RNF38: variants seen among roughly 807,000 people sequenced by gnomAD.
RNF38 encodes the protein ring finger protein 38.
In RNF38, 15 loss-of-function variants were observed where a neutral mutation model predicts 67.2. That is an observed-to-expected ratio of 0.22 (90% CI 0.15 to 0.34). RNF38 has a LOEUF of 0.34. RNF38 is among the 10% of genes least tolerant of loss of function. The pLI is 1.00. For missense variants in RNF38, 524 were observed against 639.9 expected, an observed-to-expected ratio of 0.82 and a Z score of 1.95; for synonymous variants, 220 against 218.8, an observed-to-expected ratio of 1.01 and a Z score of -0.05.
chr9:36,445,349 G>A (rs895996148), intron 1 of RNF38, among the ~76,000 whole-genome samples: 2 of 152,132 alleles, frequency 1.3e-5, no homozygotes, highest in Admixed American at 1.3e-4. Flanking sequence ...GTGGCCAGGT[G>A]CCCCCAATTT....
At chr9:36,342,446 T>G in intron 10 of RNF38, 22 bp from the exon 11 acceptor site, 1 of 1,462,136 alleles carries the variant, frequency 6.8e-7, no homozygotes, top group Non-Finnish European at 9.6e-7. Context: ...AAAAAGATCA[T>G]TTAACCACAA....
intron 1 of RNF38, among the ~76,000 whole-genome samples, chr9:36,483,325 G>A (rs1019353313): frequency 2.0e-5 from 3 of 152,028 alleles, no homozygotes; most frequent in African/African-American, 7.3e-5. Context: ...GGTGGAGGCT[G>A]CAGTGAGCCG....
At chr9:36,399,855 C>T (rs1837862066) in intron 1 of RNF38, among the ~76,000 whole-genome samples, 1 of 152,036 alleles carries the variant, frequency 6.6e-6, no homozygotes. Flanking sequence ...ACAACACTCG[C>T]AATCAAGGCC....
rs571598885 is a variant in RNF38, at chr9:36,453,381, A to AT, written n.242-28699dup. Reference sequence around the variant, plus strand: ...AGGTGCATGCCACCATGTTCAGGTAATTTTTTTTTTTTTTTTTTTGAGACG... The same window carrying AT: ...AGGTGCATGCCACCATGTTCAGGTAATTTTTTTTTTTTTTTTTTTTGAGACG... On this transcript the variant is annotated intron_variant and non_coding_transcript_variant, in intron 1 of 3. Coordinates refer to the RNF38 transcript ENST00000488058. 6.7e-3 allele frequency among the ~76,000 whole-genome samples: 906 copies of AT among 135,784 alleles called. 2 individuals are homozygous for AT. Among genetic ancestry groups the AT allele is most frequent in the South Asian group, 0.017 (72 of 4,244 alleles). 89.1% of individuals were successfully genotyped at this position (135,784 alleles called of 152,430 possible).
chr9:36,394,174 C>T (rs537922710), intron 1 of RNF38, among the ~76,000 whole-genome samples: 8 of 152,228 alleles, frequency 5.3e-5, no homozygotes, highest in Middle Eastern at 3.4e-3. Context: ...ACTTGGGAGG[C>T]TGAGGCAGGA....
chr9:36,355,976 A>T (rs547746327), intron 6 of RNF38, among the ~76,000 whole-genome samples: 1 of 152,074 alleles, frequency 6.6e-6, no homozygotes, highest in African/African-American at 2.4e-5. Flanking sequence ...CCTCCTGAGT[A>T]GCTGGAATTA....
At chr9:36,364,362 C>T (rs1180929633) in intron 4 of RNF38, among the ~76,000 whole-genome samples, 1 of 152,032 alleles carries the variant, frequency 6.6e-6, no homozygotes, top group Non-Finnish European at 1.5e-5. Context: ...TATTGGTCAA[C>T]ATTAGTCTAT....
chr9:36,381,976 T>C (rs545054323), intron 2 of RNF38, among the ~76,000 whole-genome samples: 3 of 152,338 alleles, frequency 2.0e-5, no homozygotes, highest in South Asian at 2.1e-4. Flanking sequence ...AAACACCAGA[T>C]TGCTTGCTGG....
chr9:36,476,595 C>T (rs1840127100), intron 1 of RNF38, among the ~76,000 whole-genome samples: 1 of 140,786 alleles, frequency 7.1e-6, no homozygotes, highest in South Asian at 2.2e-4. Context: ...ATGGTCTTGG[C>T]TCACTGCAAC....
In RNF38 at chr9:36,428,144, C is replaced by T. The variant is rs374740304; in HGVS notation, n.242-3461G>A. Among the ~76,000 whole-genome samples, 115 of 151,962 alleles carry T rather than the reference C, an allele frequency of 7.6e-4. 2 individuals carry two copies. In the South Asian group the frequency reaches 0.022, roughly 29 times the overall value. ...TACAATAAAAAAATGAGGCCAGGCGCGGTGGCTCATGCCTGTAATCCCAGC... is the reference window on the plus strand; with the variant it reads ...TACAATAAAAAAATGAGGCCAGGCGTGGTGGCTCATGCCTGTAATCCCAGC... On this transcript the variant is annotated intron_variant and non_coding_transcript_variant, in intron 1 of 3. Transcript: ENST00000488058.
At chr9:36,471,083 G>A (rs745680994) in intron 1 of RNF38, among the ~76,000 whole-genome samples, 2 of 152,094 alleles carry the variant, frequency 1.3e-5, no homozygotes, top group African/African-American at 2.4e-5. Context: ...CTAACACAAC[G>A]ATGTGCTTTT....
chr9:36,363,585 A>G lies in RNF38; in HGVS notation c.571-5643T>C, dbSNP rs1240901595. 2.0e-5 allele frequency among the ~76,000 whole-genome samples: 2 copies of G among 100,874 alleles called. 1 individual carries two copies. The highest frequency in any genetic ancestry group is 5.9e-5 in the African/African-American group (2 of 33,628). The allele number at this position is 100,874 out of a possible 152,430, so 66.2% of individuals were successfully genotyped here. A position where few individuals can be genotyped will look rare whatever the true frequency, so the allele number is the denominator to read the frequency against. On this transcript the variant is annotated intron_variant, in intron 4 of 11. Transcript: ENST00000259605. Reference sequence around the variant, plus strand: ...ACATTCATCAAGTCATATGCCATGTATATATACTCATGCGTGGCTTAACGA... The same window carrying G: ...ACATTCATCAAGTCATATGCCATGTGTATATACTCATGCGTGGCTTAACGA...
At chr9:36,448,907 T>C (rs1020945164) in intron 1 of RNF38, among the ~76,000 whole-genome samples, 4 of 152,034 alleles carry the variant, frequency 2.6e-5, no homozygotes, top group African/African-American at 9.7e-5. Context: ...GGCAAGGGAA[T>C]TGCTTGAACC....
At chr9:36,439,512 C>T (rs1049146609) in intron 1 of RNF38, among the ~76,000 whole-genome samples, 20 of 151,986 alleles carry the variant, frequency 1.3e-4, no homozygotes, top group African/African-American at 4.8e-4. Context: ...ATTCCTATAT[C>T]AATCGAAAAT....
Position 36,341,376 on chromosome 9 carries a change from TCACCAAA to T in RNF38, c.1485+942_1485+948del, listed in dbSNP as rs1253139121. Among the ~76,000 whole-genome samples, 4 of 152,300 alleles carry T rather than the reference TCACCAAA, an allele frequency of 2.6e-5. No homozygotes were observed. The East Asian group carries it at 7.7e-4, about 29-fold the overall frequency. Reference sequence around the variant, plus strand: ...TCCCTCAGAACTGACTTTATCTTCCTCACCAAATAGTAAGGTTATCTAGTTTTATCCA... The same window carrying T: ...TCCCTCAGAACTGACTTTATCTTCCTTAGTAAGGTTATCTAGTTTTATCCA... On this transcript the variant is annotated intron_variant, in intron 11 of 11. Transcript: ENST00000259605.
At chr9:36,423,856 G>A (rs1464786416) in intron 2 of RNF38, among the ~76,000 whole-genome samples, 1 of 74,688 alleles carries the variant, frequency 1.3e-5, no homozygotes, top group African/African-American at 4.7e-5. Flanking sequence ...GGCTGAGGCA[G>A]GAGAATGGCG....
chr9:36,429,720 G>T (rs1458021135), intron 1 of RNF38, among the ~76,000 whole-genome samples: 4 of 152,138 alleles, frequency 2.6e-5, no homozygotes, highest in African/African-American at 9.7e-5. Context: ...TTTGTACCCA[G>T]GAGTCAGAGG....
chr9:36,395,131 A>G (rs1837419488), intron 1 of RNF38, among the ~76,000 whole-genome samples: 1 of 152,224 alleles, frequency 6.6e-6, no homozygotes, highest in Non-Finnish European at 1.5e-5. Flanking sequence ...TTTAAGCATC[A>G]ACACTACTAT....
chr9:36,461,674 A>G (rs1007984748), intron 1 of RNF38, among the ~76,000 whole-genome samples: 5 of 152,202 alleles, frequency 3.3e-5, no homozygotes, highest in Admixed American at 6.5e-5. Flanking sequence ...GAGGTGAAAC[A>G]ATACAAAATA....
Sources: allele counts gnomAD v4.1 joint callset (sites outside exome capture counted in the v4.1 genomes callset), GRCh38; gene constraint gnomAD v4.1.1; transcripts MANE v1.5; gene names NCBI Gene and HGNC (gene_info 2026-07-23, HGNC 2026-07-21).